The following EIF4H variants were observed in gnomAD, a reference collection of about 807,000 sequenced individuals.
EIF4H encodes the protein eukaryotic translation initiation factor 4H, also known as Williams-Beuren syndrome chromosome region 1.
EIF4H carries 8 observed loss-of-function variants against 30.6 expected under a neutral mutation model. That is an observed-to-expected ratio of 0.26 (90% confidence interval 0.15 to 0.47). The LOEUF (loss-of-function observed/expected upper bound fraction) is 0.47, where lower values mean the gene tolerates loss of function less well. EIF4H is among the 20% of genes least tolerant of loss of function. The pLI is 0.99. For synonymous variants in EIF4H, 106 were observed against 122.7 expected (o/e 0.86, Z 0.90); for missense variants, 188 against 339.5 (o/e 0.55, Z 3.51).
chr7:74,182,124 C>G (rs920567592), intron 1 of EIF4H, among the ~76,000 whole-genome samples: 1 of 152,122 alleles, frequency 6.6e-6, no homozygotes, highest in Non-Finnish European at 1.5e-5. Context: ...CCAGTTTTTG[C>G]AAAGATGACT....
chr7:74,182,761 A>G (rs1554708598), intron 1 of EIF4H, among the ~76,000 whole-genome samples: 2 of 152,096 alleles, frequency 1.3e-5, no homozygotes. Context: ...CCCTCATAAC[A>G]TCTACTCTGT....
chr7:74,184,742 T>C lies in EIF4H; in HGVS notation c.60-2869T>C, dbSNP rs143106383. Among the ~76,000 whole-genome samples, 515 of 152,326 alleles carry C rather than the reference T, an allele frequency of 3.4e-3. 6 individuals are homozygous for C. Among genetic ancestry groups the C allele is most frequent in the African/African-American group, 0.01 (435 of 41,572 alleles). ...GTTTTTTTGAGATGGAGTCTCGCTC[T>C]GTAGCCCAGGCTGAAGCGCAGTGAC... On this transcript the variant is annotated intron_variant, in intron 1 of 6. Coordinates refer to ENST00000265753, the MANE Select transcript of EIF4H (RefSeq NM_022170.2).
At chr7:74,192,781 G>A (rs1018030074) in intron 5 of EIF4H, among the ~76,000 whole-genome samples, 3 of 145,716 alleles carry the variant, frequency 2.1e-5, no homozygotes, top group Non-Finnish European at 4.5e-5. Flanking sequence ...GGGTTCAAGC[G>A]ATTCTCCTGC....
At chr7:74,189,194 A>G (rs1801151231) in intron 2 of EIF4H, among the ~76,000 whole-genome samples, 5 of 152,158 alleles carry the variant, frequency 3.3e-5, no homozygotes, top group Admixed American at 2.0e-4. Context: ...TCAGAGAAGA[A>G]TGCCCTGATT....
At position 74,175,627 on chromosome 7, in the gene EIF4H, AAAG is replaced by A. The variant is rs1385984654; in HGVS notation, c.59+1189_59+1191del. 3.3e-5 allele frequency among the ~76,000 whole-genome samples: 5 copies of A among 152,324 alleles called. No homozygotes were observed. In the East Asian group the frequency reaches 5.8e-4, roughly 18 times the overall value. On this transcript the variant is annotated intron_variant, in intron 1 of 6. Coordinates refer to ENST00000265753, the MANE Select transcript of EIF4H (RefSeq NM_022170.2). ...AAGAACATTTTATTTGCTAATAAAA[AAAG>A]AAGTAAATGTTGGATGACATGAAAT...
chr7:74,192,403 A>G (rs1801240705), intron 5 of EIF4H, among the ~76,000 whole-genome samples: 3 of 152,060 alleles, frequency 2.0e-5, no homozygotes, highest in African/African-American at 7.2e-5. Flanking sequence ...ATCTGTTCAG[A>G]CTTGCTTTCA....
chr7:74,174,740 C>T (rs904686255), intron 1 of EIF4H, among the ~76,000 whole-genome samples: 5 of 152,240 alleles, frequency 3.3e-5, no homozygotes, highest in African/African-American at 7.2e-5. Context: ...CGGAGACGAG[C>T]GCCCGCTTCC....
rs1801170963 is a variant in EIF4H, at chr7:74,190,147, T to A, written c.410-100T>A. 3.4e-5 allele frequency: 42 copies of A among 1,233,876 alleles called. No individual in the cohort carries two copies. In the South Asian group the frequency reaches 5.2e-4, roughly 15 times the overall value. The allele number at this position is 1,233,876 out of a possible 1,614,324, so 76.4% of individuals were successfully genotyped here. On this transcript the variant is annotated intron_variant, in intron 4 of 6. Transcript: ENST00000265753. ...GCTCTTAAAATGATTTCATTGAACC[T>A]TCCATCACTTGAGTTGTATGTCTTC...
chr7:74,187,466 A>T, intron 1 of EIF4H, 145 bp from the exon 2 acceptor site: 1 of 803,076 alleles, frequency 1.2e-6, no homozygotes, highest in Non-Finnish European at 1.8e-6. Flanking sequence ...TTGTTTCTCC[A>T]GCCATTCTCT....
At chr7:74,186,322 TCCTGCCTCAG>T (rs1428378512) in intron 1 of EIF4H, among the ~76,000 whole-genome samples, 6 of 151,806 alleles carry the variant, frequency 4.0e-5, no homozygotes, top group Non-Finnish European at 8.8e-5. Context: ...CAAGCGATTC[TCCTGCCTCAG>T]CCTGCCCAGC....
At chr7:74,189,454 A>G (rs1313452492) in intron 2 of EIF4H, among the ~76,000 whole-genome samples, 1 of 152,228 alleles carries the variant, frequency 6.6e-6, no homozygotes, top group Non-Finnish European at 1.5e-5. Flanking sequence ...CGCAGCTGCT[A>G]TTTCAGTGCA....
At position 74,196,409 on chromosome 7, in the gene EIF4H, C is replaced by T. The variant is rs1801353426; in HGVS notation, c.*1101C>T. On this transcript the variant is annotated 3_prime_UTR_variant, in exon 7 of 7. Coordinates refer to ENST00000265753, the MANE Select transcript of EIF4H (RefSeq NM_022170.2). ...TTGTACTATGCAGAGCTGTCAGGAA[C>T]CTTCAGATAGCAGTAGAGGACTGCA... is the stretch of plus-strand genomic sequence containing the variant. The T allele has an allele frequency of 2.0e-5, 3 of 152,690 alleles. No individual in the cohort carries two copies. The allele number at this position is 152,690 out of a possible 1,614,324, so 9.5% of individuals were successfully genotyped here.
chr7:74,174,479 GGGACC>G, intron 1 of EIF4H, 37 bp downstream of exon 1: 3 of 1,364,658 alleles, frequency 2.2e-6, no homozygotes, highest in Non-Finnish European at 2.9e-6. Context: ...CGGGGGCTGC[GGGACC>G]GGCGGAGTCG....
intron 4 of EIF4H, 114 bp downstream of exon 4, chr7:74,190,032 G>C: frequency 7.8e-7 from 1 of 1,289,668 alleles, no homozygotes; most frequent in African/African-American, 1.5e-5. Context: ...ATAGGTTCTC[G>C]TGAGCTCTTA....
At chr7:74,189,520 T>G (rs1279436172) in intron 2 of EIF4H, among the ~76,000 whole-genome samples, 153 bp from the exon 3 acceptor site, 1 of 152,244 alleles carries the variant, frequency 6.6e-6, no homozygotes, top group Non-Finnish European at 1.5e-5. Flanking sequence ...GGAATGCCAG[T>G]CAGGGTTCTA....
chr7:74,183,510 A>G (rs997018458), intron 1 of EIF4H, among the ~76,000 whole-genome samples: 2 of 152,246 alleles, frequency 1.3e-5, no homozygotes, highest in Admixed American at 6.5e-5. Context: ...GTACAGAGGT[A>G]ATTTGGCAGA....
intron 5 of EIF4H, among the ~76,000 whole-genome samples, chr7:74,190,566 G>A (rs1482220723): frequency 7.2e-5 from 11 of 152,176 alleles, no homozygotes; most frequent in Admixed American, 6.5e-5. Context: ...CCTTGAGCTC[G>A]CTCAGCAGTC....
chr7:74,179,631 C>CAAAAAAAAA (rs34502000), intron 1 of EIF4H, among the ~76,000 whole-genome samples: 1 of 128,060 alleles, frequency 7.8e-6, no homozygotes, highest in Non-Finnish European at 1.7e-5. Context: ...GACTCTGTAT[C>CAAAAAAAAA]AAAAAAAAAA....
chr7:74,184,209 C>CTAG (rs139453064), intron 1 of EIF4H, among the ~76,000 whole-genome samples: 2,411 of 152,262 alleles, frequency 0.016, 49 homozygotes, highest in African/African-American at 0.052. Flanking sequence ...CCTTCCTGTC[C>CTAG]TAGTGCATTT....
Sources: allele counts gnomAD v4.1 joint callset (sites outside exome capture counted in the v4.1 genomes callset), GRCh38; gene constraint gnomAD v4.1.1; transcripts MANE v1.5; gene names NCBI Gene and HGNC (gene_info 2026-07-23, HGNC 2026-07-21).